MEI1: variants seen among roughly 807,000 people sequenced by gnomAD.
MEI1 encodes the protein meiotic double-stranded break formation protein 1.
In MEI1, 103 loss-of-function variants were observed where a neutral mutation model predicts 146.2. That is an observed-to-expected ratio of 0.70 (90% CI 0.60 to 0.83). The LOEUF (loss-of-function observed/expected upper bound fraction) is 0.83. Among genes scored for constraint, MEI1 ranks in the 40% least tolerant of loss-of-function variants. The pLI is 0.00. For synonymous variants in MEI1, 652 were observed against 628.2 expected (o/e 1.04, Z -0.57); for missense variants, 1,529 against 1,533.0 (o/e 1.00, Z 0.04).
intron 6 of MEI1, among the ~76,000 whole-genome samples, chr22:41,719,473 C>T (rs1299954491): frequency 6.6e-6 from 1 of 152,244 alleles, no homozygotes; most frequent in Non-Finnish European, 1.5e-5. Context: ...AGGCGCAAGC[C>T]ACTGTGCCTG....
Position 41,703,339 on chromosome 22 carries a change from C to A in MEI1, c.183C>A (p.Arg61=). The A allele has an allele frequency of 6.2e-7, 1 of 1,612,458 alleles. No individual in the cohort carries two copies. The highest frequency in any genetic ancestry group is 8.5e-7 in the Non-Finnish European group (1 of 1,179,250). The part of the protein sequence containing the change: ...LLPDPGVSLV[R]KKHMLSCFQD... The stretch of plus-strand genomic sequence containing the variant: ...TCTTCATTTGCTTCAAGTTAGTGCG[C>A]AAGAAGCACATGTTGTCCTGCTTCC... Residue 61 remains arginine (R), a synonymous_variant, in exon 2 of 31, where the codon CGC becomes CGA. Coordinates refer to ENST00000401548, the MANE Select transcript of MEI1 (RefSeq NM_152513.4).
At chr22:41,746,116 G>GCT (rs2073267958) in intron 14 of MEI1, 90 bp downstream of exon 14, 1 of 1,291,586 alleles carries the variant, frequency 7.7e-7, no homozygotes. Context: ...GGCAGTGACT[G>GCT]CTCAAAGGAA....
intron 15 of MEI1, among the ~76,000 whole-genome samples, chr22:41,749,329 G>A (rs1214043070): frequency 6.6e-6 from 1 of 151,538 alleles, no homozygotes; most frequent in African/African-American, 2.4e-5. Flanking sequence ...GGGCTAGAGT[G>A]CAATGGCACG....
chr22:41,754,036 T>G lies in MEI1; in HGVS notation c.1941T>G (p.Pro647=), dbSNP rs1295913388. The G allele has an allele frequency of 6.2e-7, 1 of 1,611,172 alleles. No individual in the cohort carries two copies. The highest frequency in any genetic ancestry group is 1.3e-5 in the African/African-American group (1 of 74,852). ...CAGCTCCAGAGAAGACAGGACCACC[T>G]TCCAAAGAAGGTAAGATGCTACAAT... ...LLSAPEKTGP[P]SKEELSAVSE... is the part of the protein sequence containing the mutation. Residue 647 remains proline, a synonymous_variant, in exon 17 of 31, where the codon CCT becomes CCG. Coordinates refer to ENST00000401548, the MANE Select transcript of MEI1 (RefSeq NM_152513.4).
At chr22:41,712,127 C>T (rs1296786464) in intron 3 of MEI1, among the ~76,000 whole-genome samples, 2 of 126,552 alleles carry the variant, frequency 1.6e-5, no homozygotes, top group African/African-American at 3.2e-5. Flanking sequence ...TCACTTGAAC[C>T]CAGGAGGCAG....
chr22:41,740,855 C>T (rs550221515), intron 11 of MEI1, among the ~76,000 whole-genome samples: 2 of 152,112 alleles, frequency 1.3e-5, no homozygotes, highest in Non-Finnish European at 2.9e-5. Context: ...GAAATCAAGC[C>T]GTAACCATAT....
At chr22:41,784,259 A>G (rs747701424) in intron 24 of MEI1, 80 bp from the exon 25 acceptor site, 7 of 1,266,734 alleles carry the variant, frequency 5.5e-6, no homozygotes, top group Non-Finnish European at 6.8e-6. Flanking sequence ...GGGAGGTGAT[A>G]GAAGAGATTT....
chr22:41,745,395 A>G (rs2147782408), intron 13 of MEI1, among the ~76,000 whole-genome samples: 1 of 152,268 alleles, frequency 6.6e-6, no homozygotes, highest in Non-Finnish European at 1.5e-5. Context: ...TTCAGTTTAC[A>G]TTAACAAATG....
chr22:41,708,435 C>A (rs557810195), intron 3 of MEI1, among the ~76,000 whole-genome samples: 1 of 151,038 alleles, frequency 6.6e-6, no homozygotes, highest in South Asian at 2.1e-4. Flanking sequence ...CAAACTGTAT[C>A]CAGCTTTATT....
intron 4 of MEI1, among the ~76,000 whole-genome samples, chr22:41,715,397 ATT>A (rs751733110): frequency 4.9e-5 from 7 of 142,716 alleles, no homozygotes; most frequent in South Asian, 2.2e-4. Context: ...GATAACAATA[ATT>A]TTTTTTTTTT....
chr22:41,725,145 G>A (rs1007890060), intron 7 of MEI1, among the ~76,000 whole-genome samples: 5 of 150,388 alleles, frequency 3.3e-5, no homozygotes, highest in South Asian at 2.1e-4. Flanking sequence ...ATGTAGTCTC[G>A]CTGTTGCCCA....
At position 41,781,371 on chromosome 22, in the gene MEI1, C is replaced by T. The variant is rs1027885503; in HGVS notation, c.2903C>T (p.Thr968Ile). Reference protein sequence around the residue: ...FNFLYWSLHQTTPSSQKRAAA... With the variant: ...FNFLYWSLHQITPSSQKRAAA... ...TTCCTGTATTGGAGCCTTCATCAGACCACACCCAGCAGTCAGAAAAGAGGT... is the reference window on the plus strand; with the variant it reads ...TTCCTGTATTGGAGCCTTCATCAGATCACACCCAGCAGTCAGAAAAGAGGT... Residue 968 changes from threonine to isoleucine, a missense_variant, in exon 23 of 31, where the codon ACC becomes ATC. Around this residue, in one of 3 missense-constraint regions of MEI1, gnomAD observed 1,212 missense variants for 1,178.9 expected, o/e 1.03. Transcript: ENST00000401548. 1.2e-6 allele frequency: 2 copies of T among 1,613,140 alleles called. No individual in the cohort carries two copies. The highest frequency in any genetic ancestry group is 2.7e-5 in the African/African-American group (2 of 74,910).
At chr22:41,739,060 C>T (rs867775614) in intron 11 of MEI1, among the ~76,000 whole-genome samples, 2 of 151,270 alleles carry the variant, frequency 1.3e-5, no homozygotes, top group African/African-American at 4.9e-5. Flanking sequence ...TTTGGGAGGC[C>T]GAGGCAGGTG....
At chr22:41,774,796 A>G (rs759995295) in intron 20 of MEI1, among the ~76,000 whole-genome samples, 1 of 152,238 alleles carries the variant, frequency 6.6e-6, no homozygotes. Flanking sequence ...AACACAACAT[A>G]GTACCTGACA....
chr22:41,763,216 C>T lies in MEI1; in HGVS notation c.2163C>T (p.Phe721=). The T allele has an allele frequency of 6.2e-7, 1 of 1,613,958 alleles. No individual in the cohort carries two copies. Among genetic ancestry groups the T allele is most frequent in the Non-Finnish European group, 8.5e-7 (1 of 1,179,852 alleles). ...EAELFEAVQS[F]LLSLQDQGER... Reference sequence around the variant, plus strand: ...AGTTATTTGAGGCTGTGCAAAGCTTCCTCCTGTCGCTGCAGGACCAGGGCG... The same window carrying T: ...AGTTATTTGAGGCTGTGCAAAGCTTTCTCCTGTCGCTGCAGGACCAGGGCG... The change falls in exon 19 of 31, where the codon TTC becomes TTT. Residue 721 remains phenylalanine, a synonymous_variant. Transcript: ENST00000401548.
At chr22:41,708,778 A>G (rs778010922) in intron 3 of MEI1, among the ~76,000 whole-genome samples, 1 of 152,222 alleles carries the variant, frequency 6.6e-6, no homozygotes, top group Non-Finnish European at 1.5e-5. Flanking sequence ...CAGTGGCATC[A>G]CTGGAAAGTC....
chr22:41,732,749 T>C, intron 11 of MEI1, 146 bp downstream of exon 11: 1 of 901,364 alleles, frequency 1.1e-6, no homozygotes, highest in South Asian at 2.2e-5. Context: ...TCCACATCCA[T>C]GGATTCAACC....
intron 30 of MEI1, among the ~76,000 whole-genome samples, chr22:41,797,309 C>T (rs950413428): frequency 6.6e-6 from 1 of 151,672 alleles, no homozygotes; most frequent in African/African-American, 2.4e-5. Context: ...TTATTTAAAA[C>T]TGCATAAAAT....
At chr22:41,702,774 T>C (rs1157136093) in intron 1 of MEI1, among the ~76,000 whole-genome samples, 1 of 151,962 alleles carries the variant, frequency 6.6e-6, no homozygotes, top group Non-Finnish European at 1.5e-5. Context: ...TCTTTTTTTT[T>C]TGAGACAAAA....
Sources: allele counts gnomAD v4.1 joint callset (sites outside exome capture counted in the v4.1 genomes callset), GRCh38; gene constraint gnomAD v4.1.1; regional missense constraint gnomAD v4.1.1; transcripts MANE v1.5; gene names NCBI Gene and HGNC (gene_info 2026-07-23, HGNC 2026-07-21).